Variants in COL4A3 observed in about 807,000 individuals in gnomAD.
COL4A3 encodes collagen alpha-3(IV) chain.
COL4A3 carries 135 observed loss-of-function variants against 217.4 expected under a neutral mutation model. The ratio of observed to expected loss-of-function variants is 0.62; its 90% CI spans 0.54 to 0.72. The LOEUF (loss-of-function observed/expected upper bound fraction) is 0.72, where lower values mean the gene tolerates loss of function less well. COL4A3 is among the 30% of genes least tolerant of loss of function. The pLI, the probability that COL4A3 is intolerant of heterozygous loss-of-function variation, is 0.00. For synonymous variants in COL4A3, 690 were observed against 736.3 expected (o/e 0.94, Z 1.02); for missense variants, 1,868 against 2,119.9 (o/e 0.88, Z 2.33).
chr2:227,301,630 T>C (rs570177584), intron 43 of COL4A3, among the ~76,000 whole-genome samples: 2 of 152,370 alleles, frequency 1.3e-5, no homozygotes, highest in South Asian at 4.1e-4. Flanking sequence ...TTTGGAAACA[T>C]GATCTTACTT....
intron 1 of COL4A3, among the ~76,000 whole-genome samples, chr2:227,186,939 A>G (rs1027577993): frequency 2.0e-5 from 3 of 152,146 alleles, no homozygotes; most frequent in African/African-American, 4.8e-5. Flanking sequence ...TTGTGTCCTC[A>G]CGTGGTGGAA....
At chr2:227,185,009 C>T (rs1198619772) in intron 1 of COL4A3, among the ~76,000 whole-genome samples, 2 of 144,820 alleles carry the variant, frequency 1.4e-5, no homozygotes, top group African/African-American at 2.6e-5. Flanking sequence ...TCATGCCATT[C>T]TCCTGTCTCA....
Position 227,254,732 on chromosome 2 carries a change from G to A in COL4A3, c.888+17G>A, listed in dbSNP as rs199840268. On this transcript the variant is annotated intron_variant, in intron 15 of 51. Coordinates refer to ENST00000396578, the MANE Select transcript of COL4A3 (RefSeq NM_000091.5). ...GGCCTGCAGGTAAATTTGGAAATTC[G>A]GTGTCATGTGCAGTTTTGATTAGTC... The A allele has an allele frequency of 3.5e-4, 554 of 1,596,620 alleles. No homozygotes were observed. Among genetic ancestry groups the A allele is most frequent in the Middle Eastern group, 5.0e-4 (3 of 6,040 alleles).
Position 227,254,167 on chromosome 2 carries a change from G to A in COL4A3, c.821G>A (p.Gly274Glu). Residue 274 changes from glycine (G) to glutamate (E), a missense_variant, in exon 14 of 52, where the codon GGA (glycine) becomes GAA (glutamate). Transcript: ENST00000396578. ...GCAATGGGCGAGCCTGGACCTCCTG[G>A]ACCCTCAGTAGGTTATTTAAAGTTA... ...KGAMGEPGPP[G>E]PSGLPGESYG... The A allele has an allele frequency of 6.2e-7, 1 of 1,613,594 alleles. No homozygotes were observed. The highest frequency in any genetic ancestry group is 8.5e-7 in the Non-Finnish European group (1 of 1,179,586).
At chr2:227,288,340 G>T (rs1487880708) in intron 34 of COL4A3, among the ~76,000 whole-genome samples, 1 of 152,014 alleles carries the variant, frequency 6.6e-6, no homozygotes, top group East Asian at 1.9e-4. Context: ...CAAATGTTCT[G>T]CCCACCTCAG....
At chr2:227,277,028 A>T (rs1441809791) in intron 27 of COL4A3, among the ~76,000 whole-genome samples, 1 of 151,980 alleles carries the variant, frequency 6.6e-6, no homozygotes, top group Non-Finnish European at 1.5e-5. Flanking sequence ...TGTGTTAAAA[A>T]TTTTTTCTTG....
At chr2:227,280,711 C>G in intron 30 of COL4A3, 121 bp downstream of exon 30, 1 of 1,262,730 alleles carries the variant, frequency 7.9e-7, no homozygotes, top group Middle Eastern at 1.9e-4. Flanking sequence ...CCCTACCTTT[C>G]TTCCTTCTTT....
intron 43 of COL4A3, among the ~76,000 whole-genome samples, chr2:227,299,919 A>G (rs929525767): frequency 3.3e-5 from 5 of 152,112 alleles, no homozygotes; most frequent in Admixed American, 1.3e-4. Flanking sequence ...TTTTCCCTCT[A>G]CTTACAGGCT....
At chr2:227,175,170 G>C (rs549031150) in intron 1 of COL4A3, among the ~76,000 whole-genome samples, 6 of 152,064 alleles carry the variant, frequency 3.9e-5, no homozygotes, top group African/African-American at 1.2e-4. Flanking sequence ...CCACTTCTGG[G>C]TTGTCAAAGA....
Position 227,270,904 on chromosome 2 carries a change from T to G in COL4A3, c.1710T>G (p.Ile570Met). Residue 570 changes from isoleucine (I) to methionine (M), a missense_variant, in exon 25 of 52, where the codon ATT becomes ATG. Transcript: ENST00000396578. ...GQPGRKGLDG[I>M]PGTPGVKGLP... ...CTGGGAGAAAGGGCTTGGATGGAAT[T>G]CCTGGAACTCCGGGAGTGAAAGGAT... 1.9e-6 allele frequency: 3 copies of G among 1,614,122 alleles called. No homozygotes were observed. The highest frequency in any genetic ancestry group is 1.7e-6 in the Non-Finnish European group (2 of 1,180,020).
chr2:227,301,603 G>C (rs540123987), intron 43 of COL4A3, among the ~76,000 whole-genome samples: 1 of 152,318 alleles, frequency 6.6e-6, no homozygotes, highest in South Asian at 2.1e-4. Flanking sequence ...AAGGACACTG[G>C]GATATATAAA....
At chr2:227,199,980 TGTAGACATGTATG>T (rs1476057230) in intron 1 of COL4A3, among the ~76,000 whole-genome samples, 1 of 152,198 alleles carries the variant, frequency 6.6e-6, no homozygotes, top group South Asian at 2.1e-4. Flanking sequence ...TACCACATTC[TGTAGACATGTATG>T]GTTTGACCTA....
intron 23 of COL4A3, among the ~76,000 whole-genome samples, chr2:227,269,078 T>C (rs2071086917): frequency 6.6e-6 from 1 of 152,180 alleles, no homozygotes; most frequent in Admixed American, 6.5e-5. Flanking sequence ...TAAATATGTG[T>C]TGATTAACTG....
chr2:227,195,687 G>GTC (rs1332960839), intron 1 of COL4A3, among the ~76,000 whole-genome samples: 2 of 149,490 alleles, frequency 1.3e-5, no homozygotes, highest in African/African-American at 5.1e-5. Flanking sequence ...GTGTGTGTGT[G>GTC]TGTGTGTGTA....
chr2:227,278,063 G>T (rs1465246372), intron 28 of COL4A3, among the ~76,000 whole-genome samples: 6 of 151,740 alleles, frequency 4.0e-5, no homozygotes, highest in Non-Finnish European at 5.9e-5. Flanking sequence ...TTGATTGTCA[G>T]ATTTTAAAGA....
intron 1 of COL4A3, among the ~76,000 whole-genome samples, chr2:227,178,516 T>G (rs1559797561): frequency 6.6e-6 from 1 of 152,202 alleles, no homozygotes; most frequent in South Asian, 2.1e-4. Flanking sequence ...CTGATTTAGA[T>G]GATGAGGTAA....
chr2:227,266,196 C>T (rs2070880559), intron 21 of COL4A3, among the ~76,000 whole-genome samples: 1 of 151,822 alleles, frequency 6.6e-6, no homozygotes, highest in Non-Finnish European at 1.5e-5. Flanking sequence ...AAAAATTATA[C>T]AATGAGCTTT....
intron 1 of COL4A3, among the ~76,000 whole-genome samples, chr2:227,185,749 T>G (rs1364324420): frequency 1.3e-5 from 2 of 152,126 alleles, no homozygotes; most frequent in Non-Finnish European, 2.9e-5. Context: ...AACTTCAGTG[T>G]GCATGAGAGG....
intron 36 of COL4A3, 25 bp from the exon 37 acceptor site, chr2:227,290,722 C>T (rs777783647): frequency 1.2e-6 from 2 of 1,609,808 alleles, no homozygotes; most frequent in Non-Finnish European, 1.7e-6. Flanking sequence ...ATCTATTTTA[C>T]TCTATGTTTT....
Sources: allele counts gnomAD v4.1 joint callset (sites outside exome capture counted in the v4.1 genomes callset), GRCh38; gene constraint gnomAD v4.1.1; transcripts MANE v1.5; gene names NCBI Gene and HGNC (gene_info 2026-07-23, HGNC 2026-07-21).